Variants in XYLB observed in about 807,000 individuals in gnomAD.
XYLB encodes xylulose kinase.
A neutral mutation model predicts 78.7 loss-of-function variants in XYLB; 62 were observed. The observed-to-expected ratio is 0.79, with a 90% CI of 0.64 to 0.97. XYLB has a LOEUF of 0.97. XYLB is among the 50% of genes least tolerant of loss of function. The pLI, the probability that XYLB is intolerant of heterozygous loss-of-function variation, is 0.00. For synonymous variants in XYLB, 245 were observed against 247.4 expected (o/e 0.99, Z 0.09); for missense variants, 687 against 676.8 (o/e 1.02, Z -0.17).
downstream of XYLB, among the ~76,000 whole-genome samples, chr3:38,419,577 T>TC (rs1708907040): frequency 2.0e-5 from 2 of 98,554 alleles, no homozygotes; most frequent in African/African-American, 7.4e-5. Context: ...GTTATTTTTC[T>TC]TTATATATAT....
intron 15 of XYLB, among the ~76,000 whole-genome samples, chr3:38,385,326 C>T (rs1046186304): frequency 2.6e-5 from 4 of 152,106 alleles, no homozygotes; most frequent in African/African-American, 4.8e-5. Flanking sequence ...GTCCCTAGTT[C>T]ATTCTTGTTT....
chr3:38,398,019 T>C lies in XYLB; in HGVS notation c.1438+860T>C, dbSNP rs374642276. On this transcript the variant is annotated intron_variant, in intron 17 of 18. Transcript: ENST00000207870. ...ATTTTTAGTAGAGGAGGGGTTTCAC[T>C]GTGTTAGCCAGGATGGTCTCGATCT... 9.9e-5 allele frequency among the ~76,000 whole-genome samples: 15 copies of C among 151,264 alleles called. No individual in the cohort carries two copies. The East Asian group carries it at 1.0e-3, about 10-fold the overall frequency.
At chr3:38,368,334 C>T in intron 8 of XYLB, 77 bp downstream of exon 8, 2 of 1,363,972 alleles carry the variant, frequency 1.5e-6, no homozygotes, top group East Asian at 2.3e-5. Context: ...GGGAGCCCCA[C>T]CTACCCCGAG....
intron 15 of XYLB, among the ~76,000 whole-genome samples, chr3:38,380,505 C>A (rs1313707593): frequency 1.3e-5 from 2 of 152,052 alleles, no homozygotes; most frequent in Non-Finnish European, 2.9e-5. Context: ...TGCTTGAGGG[C>A]CTTCCTATGA....
At chr3:38,375,309 C>A in intron 12 of XYLB, 50 bp downstream of exon 12, 1 of 1,525,706 alleles carries the variant, frequency 6.6e-7, no homozygotes, top group Non-Finnish European at 9.1e-7. Context: ...GAGGTGTGGG[C>A]AGGTCTGGCA....
At chr3:38,363,232 T>G (rs1045772604) in intron 4 of XYLB, among the ~76,000 whole-genome samples, 8 of 152,062 alleles carry the variant, frequency 5.3e-5, no homozygotes, top group Non-Finnish European at 1.2e-4. Context: ...TTCTTAGGAG[T>G]AAGTATTATA....
At chr3:38,399,599 T>G (rs1032070515) in intron 17 of XYLB, among the ~76,000 whole-genome samples, 1 of 152,236 alleles carries the variant, frequency 6.6e-6, no homozygotes, top group Non-Finnish European at 1.5e-5. Flanking sequence ...TTCCATAATC[T>G]TCTGGCCTTC....
chr3:38,347,756 T>G (rs1168843002), intron 1 of XYLB, among the ~76,000 whole-genome samples: 2 of 152,098 alleles, frequency 1.3e-5, no homozygotes, highest in Non-Finnish European at 2.9e-5. Context: ...GACACCAGCT[T>G]GCCTGGTCTG....
chr3:38,435,620 A>G, the XYLB span, among the ~76,000 whole-genome samples: 21 of 152,248 alleles, frequency 1.4e-4, no homozygotes, highest in Non-Finnish European at 2.9e-4. Flanking sequence ...AGAACTTTCT[A>G]TCCAACGACT....
intron 15 of XYLB, among the ~76,000 whole-genome samples, chr3:38,380,802 GA>G (rs1482652529): frequency 6.6e-6 from 1 of 152,138 alleles, no homozygotes; most frequent in Non-Finnish European, 1.5e-5. Context: ...ATAGTAGACA[GA>G]AAAAATGCAT....
At chr3:38,375,288 C>G in intron 12 of XYLB, 29 bp downstream of exon 12, 2 of 1,598,546 alleles carry the variant, frequency 1.3e-6, no homozygotes. Flanking sequence ...TGGCACCATT[C>G]CCTGGGTGAG....
chr3:38,440,953 C>T, the XYLB span, among the ~76,000 whole-genome samples: 6 of 151,900 alleles, frequency 3.9e-5, no homozygotes, highest in Admixed American at 6.6e-5. Context: ...TCTTTCCCCT[C>T]TCTCTTTCCT....
intron 15 of XYLB, among the ~76,000 whole-genome samples, chr3:38,382,681 C>T (rs1707205467): frequency 6.6e-6 from 1 of 152,178 alleles, no homozygotes; most frequent in Non-Finnish European, 1.5e-5. Context: ...GAGTGCCTGG[C>T]AGGGGTCCTC....
chr3:38,370,238 G>GTGCACACACA (rs1440382804), intron 9 of XYLB, 64 bp downstream of exon 9: 6 of 326,686 alleles, frequency 1.8e-5, no homozygotes, highest in Admixed American at 1.8e-4. Flanking sequence ...AAGCACTGTA[G>GTGCACACACA]CGCACACACA....
intron 15 of XYLB, 115 bp downstream of exon 15, chr3:38,379,457 T>C (rs2234623): frequency 0.082 from 81,011 of 993,074 alleles, 4,927 homozygotes; most frequent in African/African-American, 0.28. Flanking sequence ...GGGGGACTTG[T>C]GCAGGAGGGA....
At chr3:38,397,386 T>G (rs1707918116) in intron 17 of XYLB, among the ~76,000 whole-genome samples, 1 of 152,092 alleles carries the variant, frequency 6.6e-6, no homozygotes, top group African/African-American at 2.4e-5. Flanking sequence ...CCTAACTGAA[T>G]GAGGTCTGGT....
chr3:38,425,882 A>G (rs1268505798), downstream of XYLB, among the ~76,000 whole-genome samples: 1 of 152,190 alleles, frequency 6.6e-6, no homozygotes, highest in African/African-American at 2.4e-5. Context: ...GGGACTTGTC[A>G]AGAATGTAGA....
the XYLB span, among the ~76,000 whole-genome samples, chr3:38,440,112 A>T: frequency 6.6e-6 from 1 of 152,192 alleles, no homozygotes; most frequent in African/African-American, 2.4e-5. Context: ...CCTATAAGTA[A>T]GGTTATTAGT....
intron 18 of XYLB, 112 bp downstream of exon 18, chr3:38,401,097 GA>G (rs1258232034): frequency 2.2e-6 from 2 of 889,904 alleles, no homozygotes; most frequent in Non-Finnish European, 3.6e-6. Context: ...AACTAAAGGA[GA>G]AATTCTGCTT....
Sources: gnomAD v4.1 joint callset for allele counts (sites outside exome capture counted in the v4.1 genomes callset) on GRCh38, gnomAD v4.1.1 for gene constraint, MANE v1.5 for transcripts, NCBI Gene and HGNC (gene_info 2026-07-23, HGNC 2026-07-21) for gene names.